The following NELL1 variants were observed in gnomAD, a reference collection of about 807,000 sequenced individuals.
The protein encoded by NELL1 is protein kinase C-binding protein NELL1.
NELL1 carries 76 observed loss-of-function variants against 107.4 expected under a neutral mutation model. That is an observed-to-expected ratio of 0.71 (90% CI 0.59 to 0.86). NELL1 has a LOEUF of 0.86. NELL1 is among the 40% of genes least tolerant of loss of function. NELL1 has a pLI of 0.00. For synonymous variants in NELL1, 353 were observed against 341.2 expected, an observed-to-expected ratio of 1.03 and a Z score of -0.38; for missense variants, 1,024 against 1,005.5, an observed-to-expected ratio of 1.02 and a Z score of -0.25.
chr11:21,340,345 T>G lies in NELL1; in HGVS notation c.1550-30508T>G, dbSNP rs569525864. ...TTTTTTGTATTTTTAGTAGAGATGGTGTTTCACAGTGTTAGCCAAGATGGT... is the reference window on the plus strand; with the variant it reads ...TTTTTTGTATTTTTAGTAGAGATGGGGTTTCACAGTGTTAGCCAAGATGGT... On this transcript the variant is annotated intron_variant, in intron 14 of 19. Transcript: ENST00000357134. 6.2e-4 allele frequency among the ~76,000 whole-genome samples: 94 copies of G among 152,070 alleles called. 1 individual carries two copies. The highest frequency in any genetic ancestry group is 1.2e-3 in the Non-Finnish European group (83 of 67,956).
chr11:21,194,881 C>A lies in NELL1; in HGVS notation c.1427-34451C>A, dbSNP rs117742929. On this transcript the variant is annotated intron_variant, in intron 13 of 19. Coordinates refer to ENST00000357134, the MANE Select transcript of NELL1 (RefSeq NM_006157.5). Reference sequence around the variant, plus strand: ...GTCTAGAACTAGGGCATACACCAACCACTGGGGAGTAAGCAGATTACAGGG... The same window carrying A: ...GTCTAGAACTAGGGCATACACCAACAACTGGGGAGTAAGCAGATTACAGGG... 7.8e-3 allele frequency among the ~76,000 whole-genome samples: 1,183 copies of A among 152,220 alleles called. 7 individuals carry two copies. The highest frequency in any genetic ancestry group is 0.02 in the Middle Eastern group (6 of 294).
chr11:20,840,821 G>A (rs1332593018), intron 3 of NELL1, among the ~76,000 whole-genome samples: 1 of 152,192 alleles, frequency 6.6e-6, no homozygotes, highest in African/African-American at 2.4e-5. Context: ...TTGTAGAAGA[G>A]TATGCCAGAT....
intron 2 of NELL1, among the ~76,000 whole-genome samples, chr11:20,766,047 G>T (rs964608555): frequency 6.6e-6 from 1 of 152,208 alleles, no homozygotes; most frequent in Non-Finnish European, 1.5e-5. Context: ...AGTGGCATAC[G>T]TAATCAGTTG....
intron 2 of NELL1, among the ~76,000 whole-genome samples, chr11:20,748,575 T>C (rs1856055557): frequency 2.6e-5 from 4 of 152,098 alleles, no homozygotes. Flanking sequence ...TTCTGCCTTC[T>C]CAGTCTCCAA....
chr11:20,776,496 A>G (rs147755292), intron 2 of NELL1, among the ~76,000 whole-genome samples: 2 of 151,962 alleles, frequency 1.3e-5, no homozygotes, highest in African/African-American at 4.8e-5. Context: ...TATATCACTT[A>G]ATAAAATGAT....
At chr11:21,009,967 G>A (rs998683285) in intron 12 of NELL1, among the ~76,000 whole-genome samples, 1 of 91,394 alleles carries the variant, frequency 1.1e-5, no homozygotes, top group African/African-American at 4.6e-5. Context: ...TACGGGCCCT[G>A]CCAACTTGCT....
At chr11:21,070,396 A>T (rs1853982568) in intron 12 of NELL1, among the ~76,000 whole-genome samples, 1 of 152,036 alleles carries the variant, frequency 6.6e-6, no homozygotes, top group Non-Finnish European at 1.5e-5. Flanking sequence ...AGTTTTTTAT[A>T]CTCTCCAAAT....
intron 14 of NELL1, among the ~76,000 whole-genome samples, chr11:21,267,110 C>T (rs1848651199): frequency 6.6e-6 from 1 of 152,010 alleles, no homozygotes; most frequent in South Asian, 2.1e-4. Flanking sequence ...TCCATGGGCA[C>T]ATTTTTAATA....
intron 1 of NELL1, chr11:20,674,357 C>G (rs1853996322): frequency 1.5e-6 from 1 of 673,064 alleles, no homozygotes; most frequent in Admixed American, 2.5e-5. Context: ...CAACCCCCAG[C>G]TGGGCACCAC....
chr11:21,384,428 T>G (rs1475658057), intron 15 of NELL1, among the ~76,000 whole-genome samples: 1 of 149,468 alleles, frequency 6.7e-6, no homozygotes, highest in African/African-American at 2.4e-5. Context: ...TCTTCTTGAT[T>G]TTCTTTTTTT....
At chr11:21,098,526 T>C (rs1359902561) in intron 12 of NELL1, among the ~76,000 whole-genome samples, 2 of 152,098 alleles carry the variant, frequency 1.3e-5, no homozygotes, top group East Asian at 1.9e-4. Flanking sequence ...AAACTCATAG[T>C]GAAAACACCT....
intron 14 of NELL1, among the ~76,000 whole-genome samples, chr11:21,251,267 A>C (rs748864999): frequency 1.3e-5 from 2 of 152,120 alleles, no homozygotes; most frequent in Non-Finnish European, 2.9e-5. Context: ...GGACAGTGTC[A>C]GGGTCTGACT....
At chr11:21,472,289 A>G (rs1854202640) in intron 15 of NELL1, among the ~76,000 whole-genome samples, 2 of 152,024 alleles carry the variant, frequency 1.3e-5, no homozygotes, top group Admixed American at 6.6e-5. Flanking sequence ...CTCTGCCTCC[A>G]GCTCAGTTCA....
intron 12 of NELL1, among the ~76,000 whole-genome samples, chr11:21,013,512 GCTGC>G (rs1852496290): frequency 2.0e-5 from 3 of 152,122 alleles, no homozygotes; most frequent in Non-Finnish European, 4.4e-5. Context: ...GCCTATGGCA[GCTGC>G]CTAAATGGAC....
intron 14 of NELL1, among the ~76,000 whole-genome samples, chr11:21,333,408 A>T (rs1414373291): frequency 6.6e-6 from 1 of 152,064 alleles, no homozygotes; most frequent in African/African-American, 2.4e-5. Context: ...TGTTGTGATT[A>T]TAGAAATAGA....
intron 4 of NELL1, among the ~76,000 whole-genome samples, chr11:20,873,095 A>G (rs1849235865): frequency 6.6e-6 from 1 of 152,202 alleles, no homozygotes; most frequent in South Asian, 2.1e-4. Context: ...GTGAATAATA[A>G]TATGGGTTTG....
At chr11:20,880,568 A>G (rs559872898) in intron 4 of NELL1, among the ~76,000 whole-genome samples, 2 of 152,362 alleles carry the variant, frequency 1.3e-5, no homozygotes, top group South Asian at 4.1e-4. Flanking sequence ...TTTTTGCTAC[A>G]CCACACTATC....
At chr11:21,265,371 G>C (rs1213139983) in intron 14 of NELL1, among the ~76,000 whole-genome samples, 2 of 151,946 alleles carry the variant, frequency 1.3e-5, no homozygotes, top group Non-Finnish European at 2.9e-5. Flanking sequence ...AGTGGATTTG[G>C]TATTATATAA....
intron 12 of NELL1, among the ~76,000 whole-genome samples, chr11:20,995,747 C>CT (rs1852077558): frequency 6.6e-6 from 1 of 152,108 alleles, no homozygotes; most frequent in South Asian, 2.1e-4. Context: ...ATGTGCTGCT[C>CT]TGTTTCATGC....
Sources: gnomAD v4.1 joint callset for allele counts (sites outside exome capture counted in the v4.1 genomes callset) on GRCh38, gnomAD v4.1.1 for gene constraint, MANE v1.5 for transcripts, NCBI Gene and HGNC (gene_info 2026-07-23, HGNC 2026-07-21) for gene names.